The following KLHL20 variants were observed in gnomAD, a reference collection of about 807,000 sequenced individuals.
KLHL20 encodes kelch like family member 20, also known as kelch-like protein 20.
In KLHL20, 29 loss-of-function variants were observed where a neutral mutation model predicts 69.5. The ratio of observed to expected loss-of-function variants is 0.42; its 90% CI spans 0.31 to 0.57. The LOEUF is 0.57. KLHL20 is among the 20% of genes least tolerant of loss of function. The probability of loss-of-function intolerance (pLI) is 0.18; values close to 1 mark genes in which losing one functional copy is unlikely to be tolerated. For missense variants in KLHL20, 419 were observed against 776.0 expected, an observed-to-expected ratio of 0.54 and a Z score of 5.47; for synonymous variants, 253 against 265.2, an observed-to-expected ratio of 0.95 and a Z score of 0.45.
intron 8 of KLHL20, among the ~76,000 whole-genome samples, chr1:173,768,481 A>C (rs1316815257): frequency 1.3e-5 from 2 of 152,140 alleles, no homozygotes; most frequent in Admixed American, 1.3e-4. Context: ...ATAGAAGGTA[A>C]CTCTTGAAAG....
chr1:173,721,610 C>T (rs937917480), intron 2 of KLHL20, among the ~76,000 whole-genome samples: 8 of 152,206 alleles, frequency 5.3e-5, no homozygotes, highest in South Asian at 4.1e-4. Flanking sequence ...ATCTTGGTCT[C>T]GATCACTGGA....
At chr1:173,775,123 CCTTT>C (rs1241635006) in intron 9 of KLHL20, among the ~76,000 whole-genome samples, 5 of 152,068 alleles carry the variant, frequency 3.3e-5, no homozygotes, top group Admixed American at 2.0e-4. Flanking sequence ...GTTTGTTATT[CCTTT>C]CTATTTAGAT....
In KLHL20 at chr1:173,733,816, A is replaced by G. The variant is rs2102471885; in HGVS notation, c.127A>G (p.Met43Val). 1 of 1,614,148 alleles carries G rather than the reference A, an allele frequency of 6.2e-7. No individual in the cohort carries two copies. Among genetic ancestry groups the G allele is most frequent in the Non-Finnish European group, 8.5e-7 (1 of 1,180,034 alleles). Reference protein sequence around the residue: ...LPEGVPQPARMPYISDKHPRQ... With the variant: ...LPEGVPQPARVPYISDKHPRQ... ...AGAAGGGGTTCCCCAACCTGCCCGC[A>G]TGCCCTATATCTCAGACAAGCACCC... The change falls in exon 3 of 12, where the codon ATG (methionine) becomes GTG (valine). Residue 43 changes from methionine to valine, a missense_variant. Physicochemically the swap from Met to Val is conservative, Grantham distance 21 (BLOSUM62 1). Coordinates refer to ENST00000209884, the MANE Select transcript of KLHL20 (RefSeq NM_014458.4).
chr1:173,784,657 A>G (rs1649089471), intron 11 of KLHL20, among the ~76,000 whole-genome samples: 1 of 152,218 alleles, frequency 6.6e-6, no homozygotes, highest in South Asian at 2.1e-4. Flanking sequence ...TGATCTTGTC[A>G]CAAACTAGAT....
intron 1 of KLHL20, 34 bp from the exon 2 acceptor site, chr1:173,715,969 C>CTT (rs2102444534): frequency 7.0e-7 from 1 of 1,428,872 alleles, no homozygotes; most frequent in Admixed American, 1.9e-5. Flanking sequence ...TCAGAAATAG[C>CTT]TTTTATTAAG....
At chr1:173,782,009 G>T (rs1648910910) in intron 10 of KLHL20, 115 bp from the exon 11 acceptor site, 2 of 668,088 alleles carry the variant, frequency 3.0e-6, no homozygotes, top group Non-Finnish European at 5.2e-6. Flanking sequence ...CAGTAAACCA[G>T]AATGTAAGGC....
At chr1:173,734,496 C>A (rs1672434037) in intron 3 of KLHL20, 3 of 571,562 alleles carry the variant, frequency 5.2e-6, no homozygotes, top group Non-Finnish European at 9.2e-6. Flanking sequence ...TTTATTCTCC[C>A]TAACTGTATT....
intron 5 of KLHL20, among the ~76,000 whole-genome samples, chr1:173,753,940 T>C (rs1188527218): frequency 6.6e-6 from 1 of 152,236 alleles, no homozygotes; most frequent in Non-Finnish European, 1.5e-5. Flanking sequence ...TTGTAAGATT[T>C]AGGTTCAAAT....
chr1:173,779,836 C>T (rs1037899084), intron 10 of KLHL20, among the ~76,000 whole-genome samples: 4 of 152,202 alleles, frequency 2.6e-5, no homozygotes, highest in Admixed American at 1.3e-4. Flanking sequence ...CTAGTCCCCA[C>T]AAACTAGTTT....
intron 8 of KLHL20, 59 bp from the exon 9 acceptor site, chr1:173,774,246 T>G (rs955628631): frequency 1.2e-6 from 2 of 1,605,200 alleles, no homozygotes; most frequent in Non-Finnish European, 1.7e-6. Context: ...ATTTCAGATC[T>G]TATGAAAAAG....
Position 173,745,177 on chromosome 1 carries a change from T to C in KLHL20, c.598-6587T>C, listed in dbSNP as rs534112956. Among the ~76,000 whole-genome samples the C allele has an allele frequency of 2.7e-3, 370 of 138,650 alleles. 6 individuals carry two copies. Among genetic ancestry groups the C allele is most frequent in the South Asian group, 0.025 (112 of 4,548 alleles). The allele number at this position is 138,650 out of a possible 152,430, so 91.0% of individuals were successfully genotyped here. On this transcript the variant is annotated intron_variant, in intron 3 of 11. Transcript: ENST00000209884. ...TTTATACATTTCTTTTTTCTTTTTT[T>C]TTTTTTTTTTTTGAGACGGAGTCTG...
At chr1:173,725,092 A>G (rs6658217) in intron 2 of KLHL20, among the ~76,000 whole-genome samples, 13,461 of 151,992 alleles carry the variant, frequency 0.089, 1,933 homozygotes, top group African/African-American at 0.3. Flanking sequence ...AAAAAAAAAA[A>G]TCTGTATTTG....
chr1:173,728,783 G>A (rs1180831012), intron 2 of KLHL20, among the ~76,000 whole-genome samples: 1 of 151,692 alleles, frequency 6.6e-6, no homozygotes, highest in Non-Finnish European at 1.5e-5. Context: ...GCCCAGAAGA[G>A]AAAGCAGGAA....
intron 8 of KLHL20, among the ~76,000 whole-genome samples, chr1:173,772,703 G>A (rs1405807223): frequency 6.6e-6 from 1 of 152,098 alleles, no homozygotes; most frequent in African/African-American, 2.4e-5. Flanking sequence ...CAGTAAATTA[G>A]TGTATCTAGA....
At position 173,716,002 on chromosome 1, in the gene KLHL20, G is replaced by A. The variant is rs765910029; in HGVS notation, c.-41-1G>A. The A allele has an allele frequency of 6.2e-7, 1 of 1,605,350 alleles. No homozygotes were observed. The highest frequency in any genetic ancestry group is 1.1e-5 in the South Asian group (1 of 89,818). On this transcript the variant is annotated splice_acceptor_variant, in intron 1 of 11. Transcript: ENST00000209884. LOFTEE classifies it low-confidence loss of function (5UTR_SPLICE). ...AAGTTCCTGCTTTTCTGTTGTCTTA[G>A]GTTCGGCTTTAGAGTGTGGTGAAGG...
chr1:173,719,105 A>AAAAAAAAAAAAC (rs1671601491), intron 2 of KLHL20, among the ~76,000 whole-genome samples: 1 of 71,718 alleles, frequency 1.4e-5, no homozygotes, highest in Non-Finnish European at 2.5e-5. Context: ...ACTCCGTCTC[A>AAAAAAAAAAAAC]AAAAAAAAAA....
chr1:173,781,385 A>G (rs550661733), intron 10 of KLHL20, among the ~76,000 whole-genome samples: 3 of 152,052 alleles, frequency 2.0e-5, no homozygotes, highest in Admixed American at 6.5e-5. Context: ...ACACAATCTC[A>G]GCTCACTGCA....
chr1:173,753,969 G>T (rs16846383), intron 5 of KLHL20, among the ~76,000 whole-genome samples: 13,734 of 152,184 alleles, frequency 0.09, 2,007 homozygotes, highest in African/African-American at 0.31. Context: ...ATCTGGGATT[G>T]TTAACCATTT....
intron 2 of KLHL20, among the ~76,000 whole-genome samples, chr1:173,724,781 G>A (rs1376474652): frequency 2.6e-5 from 4 of 151,958 alleles, no homozygotes; most frequent in African/African-American, 9.7e-5. Flanking sequence ...TTCCAGCCTG[G>A]GTGACAGAGC....
Sources: gnomAD v4.1 joint callset for allele counts (sites outside exome capture counted in the v4.1 genomes callset) on GRCh38, gnomAD v4.1.1 for gene constraint, MANE v1.5 for transcripts, NCBI Gene and HGNC (gene_info 2026-07-23, HGNC 2026-07-21) for gene names.